Variants in GRIN2A observed in about 807,000 individuals in gnomAD.
GRIN2A encodes glutamate ionotropic receptor NMDA type subunit 2A.
In GRIN2A, 22 loss-of-function variants were observed where a neutral mutation model predicts 113.4. The observed-to-expected ratio is 0.19, with a 90% CI of 0.14 to 0.28. GRIN2A has a LOEUF of 0.28. Among genes scored for constraint, GRIN2A ranks in the 10% least tolerant of loss-of-function variants. The probability of loss-of-function intolerance (pLI) is 1.00; values close to 1 mark genes in which losing one functional copy is unlikely to be tolerated. For synonymous variants in GRIN2A, 827 were observed against 738.4 expected (o/e 1.12, Z -1.94); for missense variants, 1,502 against 1,887.0 (o/e 0.80, Z 3.78).
intron 11 of GRIN2A, among the ~76,000 whole-genome samples, chr16:9,796,012 T>G (rs1193062548): frequency 6.6e-6 from 1 of 152,182 alleles, no homozygotes; most frequent in Non-Finnish European, 1.5e-5. Flanking sequence ...TTCAATTTCC[T>G]CCTCTGTAAA....
rs938278441 is a variant in GRIN2A at position 10,139,104 on chromosome 16, A to G, written c.414+40894T>C. Among the ~76,000 whole-genome samples, 4 of 152,232 alleles carry G rather than the reference A, an allele frequency of 2.6e-5. No individual in the cohort carries two copies. In the South Asian group the frequency reaches 6.2e-4, roughly 24 times the overall value. ...GGATGGAGACAGCACGGATCAAGCC[A>G]AGTAAAAATTGAGAGCATGAAACAG... is the stretch of plus-strand genomic sequence containing the variant. On this transcript the variant is annotated intron_variant, in intron 2 of 12. Coordinates refer to ENST00000330684, the MANE Select transcript of GRIN2A (RefSeq NM_001134407.3).
rs994412519 is a variant in GRIN2A, at chr16:9,866,153, C to T, written c.1123-16192G>A. Among the ~76,000 whole-genome samples, 17 of 152,164 alleles carry T rather than the reference C, an allele frequency of 1.1e-4. 1 individual carries two copies. The highest frequency in any genetic ancestry group is 4.1e-4 in the African/African-American group (17 of 41,430). On this transcript the variant is annotated intron_variant, in intron 4 of 12. Transcript: ENST00000330684. ...CAGTGAGGAAGATAAAATACAATGCCCTCTGAATTAATCATACAATAAAAC... is the reference window on the plus strand; with the variant it reads ...CAGTGAGGAAGATAAAATACAATGCTCTCTGAATTAATCATACAATAAAAC...
chr16:9,810,446 T>A (rs977460433), intron 10 of GRIN2A, among the ~76,000 whole-genome samples: 1 of 152,196 alleles, frequency 6.6e-6, no homozygotes, highest in Non-Finnish European at 1.5e-5. Context: ...TGCCCTTATT[T>A]GAAAATCATG....
chr16:9,790,094 G>A (rs780327006), intron 11 of GRIN2A, among the ~76,000 whole-genome samples: 1 of 152,186 alleles, frequency 6.6e-6, no homozygotes, highest in Non-Finnish European at 1.5e-5. Context: ...TGTGCTGCAG[G>A]GAAGGAGGGT....
chr16:9,812,706 A>T (rs2042109562), intron 10 of GRIN2A, among the ~76,000 whole-genome samples: 1 of 152,218 alleles, frequency 6.6e-6, no homozygotes, highest in Non-Finnish European at 1.5e-5. Flanking sequence ...CAATAAAAAA[A>T]TTTAAAAAAC....
chr16:10,081,427 A>G (rs1021921903), intron 2 of GRIN2A, among the ~76,000 whole-genome samples: 3 of 152,202 alleles, frequency 2.0e-5, no homozygotes, highest in African/African-American at 7.2e-5. Flanking sequence ...AACCACATTC[A>G]ATCAAACTGT....
At chr16:9,811,724 A>C (rs1189065412) in intron 10 of GRIN2A, among the ~76,000 whole-genome samples, 1 of 152,160 alleles carries the variant, frequency 6.6e-6, no homozygotes, top group Non-Finnish European at 1.5e-5. Flanking sequence ...TCGTGACTGC[A>C]CTCTAGCCCT....
At position 9,920,046 on chromosome 16, in the gene GRIN2A, T is replaced by C. The variant is rs58595592; in HGVS notation, c.1007+17913A>G. 9.4e-3 allele frequency among the ~76,000 whole-genome samples: 1,429 copies of C among 152,326 alleles called. 19 individuals carry two copies. Among genetic ancestry groups the C allele is most frequent in the African/African-American group, 0.033 (1,362 of 41,562 alleles). ...CTTCCCATCCCATATCAATAGCAAA[T>C]TGACATTGCCTGTATTCATTTATTT... On this transcript the variant is annotated intron_variant, in intron 3 of 12. Coordinates refer to ENST00000330684, the MANE Select transcript of GRIN2A (RefSeq NM_001134407.3).
At chr16:9,904,597 T>A (rs985734997) in intron 3 of GRIN2A, among the ~76,000 whole-genome samples, 8 of 152,170 alleles carry the variant, frequency 5.3e-5, no homozygotes, top group African/African-American at 1.9e-4. Context: ...GCTCTCAGTC[T>A]CCTGGCCTCA....
chr16:9,999,005 A>G (rs1567226042), intron 2 of GRIN2A, among the ~76,000 whole-genome samples: 1 of 152,184 alleles, frequency 6.6e-6, no homozygotes, highest in Non-Finnish European at 1.5e-5. Flanking sequence ...CAATGGAAGC[A>G]TTACATCAGC....
chr16:10,119,383 G>GACTA (rs747691726), intron 2 of GRIN2A, among the ~76,000 whole-genome samples: 1 of 151,918 alleles, frequency 6.6e-6, no homozygotes, highest in African/African-American at 2.4e-5. Flanking sequence ...TTTATTTGAT[G>GACTA]AGTTGTTTTC....
intron 10 of GRIN2A, among the ~76,000 whole-genome samples, chr16:9,819,192 T>A (rs2042236821): frequency 1.3e-5 from 2 of 152,220 alleles, no homozygotes; most frequent in Admixed American, 6.5e-5. Context: ...TGTACTTTTT[T>A]ATTTTTGACG....
chr16:9,964,426 C>T (rs2045510179), intron 2 of GRIN2A, among the ~76,000 whole-genome samples: 1 of 152,196 alleles, frequency 6.6e-6, no homozygotes, highest in Admixed American at 6.5e-5. Context: ...CGTTCATTTT[C>T]TATTGCTGCT....
intron 2 of GRIN2A, among the ~76,000 whole-genome samples, chr16:9,948,484 C>T (rs1048262227): frequency 6.6e-6 from 1 of 152,216 alleles, no homozygotes; most frequent in Non-Finnish European, 1.5e-5. Context: ...AAGCATCTCT[C>T]AGAGTGATGG....
chr16:9,850,019 G>A lies in GRIN2A; in HGVS notation c.1123-58C>T, dbSNP rs1471582048. The A allele has an allele frequency of 5.5e-6, 8 of 1,445,898 alleles. No individual in the cohort carries two copies. The African/African-American group carries it at 7.0e-5, about 13-fold the overall frequency. The allele number at this position is 1,445,898 out of a possible 1,614,324, so 89.6% of individuals were successfully genotyped here. A position where few individuals can be genotyped will look rare whatever the true frequency, so the allele number is the denominator to read the frequency against. ...TTCTTCCGCCGCTGATTTCTGGAGA[G>A]GCAAATCCTTTCCCTGCCAGAGACA... On this transcript the variant is annotated intron_variant, in intron 4 of 12. Transcript: ENST00000330684.
At chr16:10,000,708 T>C (rs186428748) in intron 2 of GRIN2A, among the ~76,000 whole-genome samples, 1 of 152,222 alleles carries the variant, frequency 6.6e-6, no homozygotes, top group South Asian at 2.1e-4. Context: ...CATGCTTCTT[T>C]GGTTTTGGAC....
At chr16:9,809,551 A>ATT (rs539535265) in intron 10 of GRIN2A, among the ~76,000 whole-genome samples, 136 of 146,936 alleles carry the variant, frequency 9.3e-4, no homozygotes, top group African/African-American at 3.0e-3. Context: ...CTGTATTTTC[A>ATT]TTTTTTTTTT....
intron 2 of GRIN2A, among the ~76,000 whole-genome samples, chr16:10,055,046 T>TAAAAAAAAAAAAAAAAAA (rs1567266287): frequency 5.6e-4 from 7 of 12,488 alleles, no homozygotes; most frequent in Non-Finnish European, 8.0e-4. Context: ...AGACTCTATC[T>TAAAAAAAAAAAAAAAAAA]CAAAAAAAAA....
intron 2 of GRIN2A, among the ~76,000 whole-genome samples, chr16:10,051,380 A>G (rs1486984226): frequency 6.6e-6 from 1 of 152,244 alleles, no homozygotes; most frequent in Non-Finnish European, 1.5e-5. Flanking sequence ...GTAAGTGAGT[A>G]GTAATAAAAC....
Sources: allele counts gnomAD v4.1 joint callset (sites outside exome capture counted in the v4.1 genomes callset), GRCh38; gene constraint gnomAD v4.1.1; transcripts MANE v1.5; gene names NCBI Gene and HGNC (gene_info 2026-07-23, HGNC 2026-07-21).